ANKRD17: variants seen among roughly 807,000 people sequenced by gnomAD.
ANKRD17 encodes ankyrin repeat domain-containing protein 17.
A neutral mutation model predicts 229.7 loss-of-function variants in ANKRD17; 19 were observed. That is an observed-to-expected ratio of 0.08 (90% CI 0.06 to 0.12). The LOEUF is 0.12. Among genes scored for constraint, ANKRD17 ranks in the 10% least tolerant of loss-of-function variants. The probability of loss-of-function intolerance (pLI) is 1.00; values close to 1 mark genes in which losing one functional copy is unlikely to be tolerated. For missense variants in ANKRD17, 2,176 were observed against 3,176.8 expected, an observed-to-expected ratio of 0.68 and a Z score of 7.57; for synonymous variants, 1,112 against 1,146.1, an observed-to-expected ratio of 0.97 and a Z score of 0.60.
Position 73,091,265 on chromosome 4 carries a change from T to C in ANKRD17, c.6363A>G (p.Pro2121=). ...PPGSVSQEPR[P]PLQQSQVPPP... Reference sequence around the variant, plus strand: ...GAGGAACCTGAGACTGCTGAAGAGGTGGTCTTGGTTCCTGAGAAACAGATC... The same window carrying C: ...GAGGAACCTGAGACTGCTGAAGAGGCGGTCTTGGTTCCTGAGAAACAGATC... The change falls in exon 29 of 34, where the codon CCA becomes CCG. Residue 2121 remains proline, a synonymous_variant. Transcript: ENST00000358602. 1.2e-6 allele frequency: 2 copies of C among 1,614,114 alleles called. No individual in the cohort carries two copies. The highest frequency in any genetic ancestry group is 1.7e-6 in the Non-Finnish European group (2 of 1,180,010).
At chr4:73,190,545 T>A (rs1222255820) in intron 1 of ANKRD17, among the ~76,000 whole-genome samples, 2 of 94,424 alleles carry the variant, frequency 2.1e-5, no homozygotes, top group Non-Finnish European at 2.2e-5. Context: ...ACAAATGTCC[T>A]CCAAAAAAAA....
intron 1 of ANKRD17, among the ~76,000 whole-genome samples, chr4:73,224,560 ATTTC>A (rs1742262058): frequency 6.6e-6 from 1 of 152,160 alleles, no homozygotes. Flanking sequence ...GCAATATATG[ATTTC>A]TTTTTTTAAA....
At chr4:73,173,351 G>T (rs937789734) in intron 2 of ANKRD17, among the ~76,000 whole-genome samples, 1 of 152,154 alleles carries the variant, frequency 6.6e-6, no homozygotes, top group African/African-American at 2.4e-5. Flanking sequence ...AATAGCTGTA[G>T]ACTTTAACAT....
At chr4:73,222,517 T>C (rs1369158634) in intron 1 of ANKRD17, among the ~76,000 whole-genome samples, 1 of 152,170 alleles carries the variant, frequency 6.6e-6, no homozygotes, top group Admixed American at 6.5e-5. Flanking sequence ...AGCAATCAGA[T>C]TGATATAAAC....
intron 1 of ANKRD17, among the ~76,000 whole-genome samples, chr4:73,179,178 A>G (rs1014323020): frequency 6.6e-6 from 1 of 151,944 alleles, no homozygotes; most frequent in Non-Finnish European, 1.5e-5. Flanking sequence ...GGAAGAAATA[A>G]TATGTTTCTC....
intron 1 of ANKRD17, among the ~76,000 whole-genome samples, chr4:73,231,940 G>A (rs914012972): frequency 2.6e-5 from 4 of 152,224 alleles, no homozygotes; most frequent in Admixed American, 2.6e-4. Flanking sequence ...AGGGTGGCAC[G>A]CCCAGAGAGG....
At chr4:73,117,954 G>T (rs1244127574) in intron 22 of ANKRD17, among the ~76,000 whole-genome samples, 2 of 152,152 alleles carry the variant, frequency 1.3e-5, no homozygotes, top group East Asian at 3.8e-4. Flanking sequence ...AGTTTAAAAT[G>T]CTGGTAGTGG....
chr4:73,148,146 A>T (rs1179945271), intron 8 of ANKRD17, among the ~76,000 whole-genome samples: 2 of 152,222 alleles, frequency 1.3e-5, no homozygotes, highest in African/African-American at 4.8e-5. Context: ...CGCTTTAAAA[A>T]TCATAGTCAA....
Position 73,214,563 on chromosome 4 carries a change from G to C in ANKRD17, c.394-37030C>G, listed in dbSNP as rs140237413. On this transcript the variant is annotated intron_variant, in intron 1 of 33. Transcript: ENST00000358602. Reference sequence around the variant, plus strand: ...GTAAACCTGCTAGTTTCTTAACATCGATCAAGGCCATGATACCAATCTGTA... The same window carrying C: ...GTAAACCTGCTAGTTTCTTAACATCCATCAAGGCCATGATACCAATCTGTA... 9.1e-3 allele frequency among the ~76,000 whole-genome samples: 1,377 copies of C among 151,684 alleles called. 10 individuals are homozygous for C. Among genetic ancestry groups the C allele is most frequent in the Non-Finnish European group, 0.013 (900 of 67,930 alleles).
chr4:73,185,966 T>A (rs1393234694), intron 1 of ANKRD17, among the ~76,000 whole-genome samples: 1 of 152,052 alleles, frequency 6.6e-6, no homozygotes, highest in East Asian at 1.9e-4. Context: ...TCTTAATTTA[T>A]TAAGAAATTA....
chr4:73,107,233 AAAT>A (rs1724751962), intron 24 of ANKRD17, among the ~76,000 whole-genome samples: 2 of 152,256 alleles, frequency 1.3e-5, no homozygotes, highest in African/African-American at 4.8e-5. Context: ...TGGGAGGCAA[AAAT>A]AATTGAGAAC....
intron 10 of ANKRD17, among the ~76,000 whole-genome samples, chr4:73,146,259 T>C (rs1389056152): frequency 6.6e-6 from 1 of 152,178 alleles, no homozygotes; most frequent in East Asian, 1.9e-4. Context: ...ACTCTGCATT[T>C]TCACTACAAC....
chr4:73,205,052 G>A (rs1246745879), intron 1 of ANKRD17, among the ~76,000 whole-genome samples: 1 of 152,134 alleles, frequency 6.6e-6, no homozygotes, highest in Non-Finnish European at 1.5e-5. Context: ...GGTGGCTCAT[G>A]CTTGTAATCC....
intron 1 of ANKRD17, among the ~76,000 whole-genome samples, chr4:73,188,362 G>A (rs980146065): frequency 1.1e-4 from 16 of 152,066 alleles, no homozygotes; most frequent in African/African-American, 2.4e-4. Context: ...CAAGGTAGGC[G>A]GATCATGAGG....
chr4:73,256,258 T>G (rs568632389), intron 1 of ANKRD17, among the ~76,000 whole-genome samples: 1 of 152,208 alleles, frequency 6.6e-6, no homozygotes, highest in Non-Finnish European at 1.5e-5. Context: ...AAGGAATTAC[T>G]AAAAGTTCTG....
intron 1 of ANKRD17, among the ~76,000 whole-genome samples, chr4:73,254,998 T>C (rs1481429434): frequency 1.3e-5 from 2 of 152,184 alleles, no homozygotes; most frequent in African/African-American, 2.4e-5. Flanking sequence ...GGTCAGTCAC[T>C]CACTGAAAAC....
chr4:73,258,359 C>T lies in ANKRD17; in HGVS notation c.310G>A (p.Gly104Ser). ...CTGGTGCCGCCGCCGCCACCTCCGCCTCCACCGCCGCCTCCACCGCCGCCG... is the reference window on the plus strand; with the variant it reads ...CTGGTGCCGCCGCCGCCACCTCCGCTTCCACCGCCGCCTCCACCGCCGCCG... ...NSGGGGGGGGGGGGGGGTSSN... is the reference protein window; with the variant it reads ...NSGGGGGGGGSGGGGGGTSSN... Residue 104 changes from glycine to serine, a missense_variant, in exon 1 of 34, where the codon GGC becomes AGC. Around this residue, in one of 18 missense-constraint regions of ANKRD17, gnomAD observed 196 missense variants for 190.0 expected, o/e 1.03. Transcript: ENST00000358602. 6.4e-7 allele frequency: 1 copy of T among 1,567,888 alleles called. No homozygotes were observed.
chr4:73,076,962 G>A lies in ANKRD17; in HGVS notation c.7730C>T (p.Thr2577Met), dbSNP rs1193353908. The A allele has an allele frequency of 6.2e-6, 10 of 1,610,920 alleles. No homozygotes were observed. The highest frequency in any genetic ancestry group is 8.5e-6 in the Non-Finnish European group (10 of 1,178,864). ...NSLIKMVSSSTENNGPQTVWT... is the reference protein window; with the variant it reads ...NSLIKMVSSSMENNGPQTVWT... The stretch of plus-strand genomic sequence containing the variant: ...CACCGTTTGAGGGCCATTATTTTCC[G>A]TGGAGCTGGAAACCATCTTTATCAG... Residue 2577 changes from threonine to methionine, a missense_variant, in exon 33 of 34, where the codon ACG becomes ATG. Physicochemically the swap from Thr to Met is moderately conservative, Grantham distance 81 (BLOSUM62 -1). This residue lies in a region of ANKRD17 where 159 missense variants were observed against 214.3 expected (regional missense o/e 0.74). Coordinates refer to ENST00000358602, the MANE Select transcript of ANKRD17 (RefSeq NM_032217.5).
At chr4:73,116,176 C>T (rs900026694) in intron 22 of ANKRD17, among the ~76,000 whole-genome samples, 1 of 151,450 alleles carries the variant, frequency 6.6e-6, no homozygotes, top group African/African-American at 2.4e-5. Context: ...AAACAATAAT[C>T]CCAAAATCAA....
Sources: allele counts gnomAD v4.1 joint callset (sites outside exome capture counted in the v4.1 genomes callset), GRCh38; gene constraint gnomAD v4.1.1; regional missense constraint gnomAD v4.1.1; transcripts MANE v1.5; gene names NCBI Gene and HGNC (gene_info 2026-07-23, HGNC 2026-07-21).